BRD3: variants seen among roughly 807,000 people sequenced by gnomAD.
BRD3 encodes bromodomain-containing protein 3.
BRD3 carries 17 observed loss-of-function variants against 66.8 expected under a neutral mutation model. That is an observed-to-expected ratio of 0.25 (90% confidence interval 0.17 to 0.38). BRD3 has a LOEUF of 0.38. BRD3 is among the 10% of genes least tolerant of loss of function. BRD3 has a pLI of 1.00. For missense variants in BRD3, 713 were observed against 956.1 expected, an observed-to-expected ratio of 0.75 and a Z score of 3.35; for synonymous variants, 421 against 393.2, an observed-to-expected ratio of 1.07 and a Z score of -0.84.
chr9:134,044,976 G>C (rs551092133), intron 7 of BRD3, among the ~76,000 whole-genome samples: 6 of 152,314 alleles, frequency 3.9e-5, no homozygotes, highest in African/African-American at 1.4e-4. Context: ...CAGGGAAGCC[G>C]CAAGAGAAAG....
chr9:134,045,531 G>C lies in BRD3; in HGVS notation c.1087-110C>G. On this transcript the variant is annotated intron_variant, in intron 6 of 11. Transcript: ENST00000303407. This position sits in a 1 kb window ranked among gnomAD's most constrained non-coding sequence, Gnocchi z 4.8. ...CCTCAGGAGCCACTGCCAGCTCCAGGGCAGTGCCTACTGGCCTGGCCGGCA... is the reference window on the plus strand; with the variant it reads ...CCTCAGGAGCCACTGCCAGCTCCAGCGCAGTGCCTACTGGCCTGGCCGGCA... 1 of 1,510,536 alleles carries C rather than the reference G, an allele frequency of 6.6e-7. No individual in the cohort carries two copies. The highest frequency in any genetic ancestry group is 9.1e-7 in the Non-Finnish European group (1 of 1,104,554). 93.6% of individuals were successfully genotyped at this position (1,510,536 alleles called of 1,614,324 possible).
chr9:134,067,834 C>T (rs1830702841), intron 1 of BRD3, 111 bp downstream of exon 1: 2 of 144,018 alleles, frequency 1.4e-5, no homozygotes, highest in Admixed American at 1.4e-4. Flanking sequence ...CCCGGACGCG[C>T]CGGCGGACTG....
At chr9:134,053,029 C>T (rs372766832) in intron 2 of BRD3, among the ~76,000 whole-genome samples, 16 of 152,220 alleles carry the variant, frequency 1.1e-4, no homozygotes, top group Admixed American at 2.6e-4. Flanking sequence ...GCTTTCCTCC[C>T]GGACACGCGT....
chr9:134,048,523 C>T (rs969424236), intron 5 of BRD3, 69 bp from the exon 6 acceptor site: 12 of 1,584,740 alleles, frequency 7.6e-6, no homozygotes, highest in Admixed American at 1.7e-5. Context: ...GCTGCAGCCG[C>T]GTTTCTGGGG....
At chr9:134,062,408 C>A (rs1830563005) in intron 1 of BRD3, among the ~76,000 whole-genome samples, 1 of 152,158 alleles carries the variant, frequency 6.6e-6, no homozygotes, top group Admixed American at 6.5e-5. Flanking sequence ...GTCCCCTGCA[C>A]CCCACAGTTC....
At chr9:134,050,113 C>T (rs897041885) in intron 5 of BRD3, among the ~76,000 whole-genome samples, 2 of 152,224 alleles carry the variant, frequency 1.3e-5, no homozygotes, top group African/African-American at 4.8e-5. Flanking sequence ...AAGCCTTTGG[C>T]CAGGGCTTCT....
In BRD3 at chr9:134,048,337, G is replaced by A. The variant is rs778794672; in HGVS notation, c.832C>T (p.Arg278Trp). 9.4e-6 allele frequency: 15 copies of A among 1,599,064 alleles called. No homozygotes were observed. The highest frequency in any genetic ancestry group is 2.2e-5 in the East Asian group (1 of 44,864). The change falls in exon 6 of 12, where the codon CGG becomes TGG. Residue 278 changes from arginine to tryptophan, a missense_variant. By Grantham distance (101) the Arg-to-Trp change is moderately radical. Around this residue, in one of 5 missense-constraint regions of BRD3, gnomAD observed 418 missense variants for 609.3 expected, o/e 0.69. Transcript: ENST00000303407. ...SDPKQAKVVA[R>W]RESGGRPIKP... ...ATGGGGCGGCCACCACTCTCCCGCC[G>A]GGCCACCACTTTGGCCTGCTTGGGG...
chr9:134,051,880 GTTTTTTTTGTTTTTTT>G (rs1354155446), intron 3 of BRD3, among the ~76,000 whole-genome samples, 171 bp from the exon 4 acceptor site: 2 of 113,660 alleles, frequency 1.8e-5, no homozygotes, highest in Non-Finnish European at 1.8e-5. Context: ...TGTGTGTGTT[GTTTTTTTTGTTTTTTT>G]TTTTTTTTTT....
intron 9 of BRD3, 26 bp from the exon 10 acceptor site, chr9:134,036,350 G>T: frequency 6.3e-7 from 1 of 1,579,182 alleles, no homozygotes; most frequent in South Asian, 1.2e-5. Flanking sequence ...GAGCAACGTG[G>T]TGTTGAGTCT....
rs1378969776 is a variant in BRD3, at chr9:134,040,206, T to C, written c.1471A>G (p.Lys491Glu). Residue 491 changes from lysine to glutamate, a missense_variant, in exon 9 of 12, where the codon AAG (lysine) becomes GAG (glutamate). Physicochemically the swap from Lys to Glu is moderately conservative, Grantham distance 56. This residue lies in a region of BRD3 where 418 missense variants were observed against 609.3 expected (regional missense o/e 0.69). Coordinates refer to ENST00000303407, the MANE Select transcript of BRD3 (RefSeq NM_007371.4). ...TTCTCCTTCTCCTTCTTCTCCTTCTTCTTCTTTGGTTTGTTTACTGGGGCC... is the reference window on the plus strand; with the variant it reads ...TTCTCCTTCTCCTTCTTCTCCTTCTCCTTCTTTGGTTTGTTTACTGGGGCC... Reference protein sequence around the residue: ...SQAPVNKPKKKKEKKEKEKKK... With the variant: ...SQAPVNKPKKEKEKKEKEKKK... 1 of 1,582,750 alleles carries C rather than the reference T, an allele frequency of 6.3e-7. No individual in the cohort carries two copies. Among genetic ancestry groups the C allele is most frequent in the South Asian group, 1.1e-5 (1 of 86,990 alleles).
chr9:134,041,885 G>A lies in BRD3; in HGVS notation c.1282C>T (p.Pro428Ser). The change falls in exon 8 of 12, where the codon CCC becomes TCC. Residue 428 changes from proline to serine, a missense_variant. By Grantham distance (74) the Pro-to-Ser change is moderately conservative. Coordinates refer to ENST00000303407, the MANE Select transcript of BRD3 (RefSeq NM_007371.4). ...EPVEAPALPAPAAPMVSKGAE... is the reference protein window; with the variant it reads ...EPVEAPALPASAAPMVSKGAE... ...CCCTTGCTCACCATGGGGGCCGCGG[G>A]GGCAGGCAGCGCCGGTGCCTCCACG... is the stretch of plus-strand genomic sequence containing the variant. 1 of 1,611,440 alleles carries A rather than the reference G, an allele frequency of 6.2e-7. No individual in the cohort carries two copies.
Position 134,034,556 on chromosome 9 carries a change from C to T in BRD3, c.2065+145G>A, listed in dbSNP as rs1170127582. The stretch of plus-strand genomic sequence containing the variant: ...GTGACAGACCAGGAAATGGAGGTTT[C>T]AGGAGCTCAAGAGCTCGTCTAAGAA... On this transcript the variant is annotated intron_variant, in intron 11 of 11. Coordinates refer to ENST00000303407, the MANE Select transcript of BRD3 (RefSeq NM_007371.4). 4 of 1,174,144 alleles carry T rather than the reference C, an allele frequency of 3.4e-6. No homozygotes were observed. In the African/African-American group the frequency reaches 6.2e-5, roughly 18 times the overall value. The allele number at this position is 1,174,144 out of a possible 1,614,324, so 72.7% of individuals were successfully genotyped here.
chr9:134,059,017 G>C (rs573152934), intron 1 of BRD3, among the ~76,000 whole-genome samples: 2 of 152,246 alleles, frequency 1.3e-5, no homozygotes, highest in Non-Finnish European at 2.9e-5. Flanking sequence ...AACACTGACT[G>C]TATTTCCGGA....
chr9:134,042,325 G>A (rs989472737), intron 7 of BRD3, among the ~76,000 whole-genome samples: 1 of 152,104 alleles, frequency 6.6e-6, no homozygotes, highest in East Asian at 1.9e-4. Context: ...GCTTGGACAG[G>A]GTCCTCCACA....
At position 134,033,517 on chromosome 9, in the gene BRD3, A is replaced by G. The variant is rs1387087515; in HGVS notation, c.*73T>C. The G allele has an allele frequency of 6.0e-6, 4 of 667,866 alleles. No individual in the cohort carries two copies. The African/African-American group carries it at 7.1e-5, about 12-fold the overall frequency. 41.4% of individuals were successfully genotyped at this position (667,866 alleles called of 1,614,324 possible). On this transcript the variant is annotated 3_prime_UTR_variant, in exon 12 of 12. Coordinates refer to ENST00000303407, the MANE Select transcript of BRD3 (RefSeq NM_007371.4). This position sits in a 1 kb window ranked among gnomAD's most constrained non-coding sequence, Gnocchi z 5.1. Reference sequence around the variant, plus strand: ...CACACCATGGAACAGAAGTAGTAATATGAACCACAGAGGGGTACGGCAGAG... The same window carrying G: ...CACACCATGGAACAGAAGTAGTAATGTGAACCACAGAGGGGTACGGCAGAG...
In BRD3 at chr9:134,036,101, G is replaced by A. The variant is rs1256104225; in HGVS notation, c.1867C>T (p.Pro623Ser). The A allele has an allele frequency of 6.2e-7, 1 of 1,614,108 alleles. No homozygotes were observed. The highest frequency in any genetic ancestry group is 8.5e-7 in the Non-Finnish European group (1 of 1,180,040). ...EIEIDFETLKPTTLRELERYV... is the reference protein window; with the variant it reads ...EIEIDFETLKSTTLRELERYV... ...CTCTCCAGTTCCCGCAAAGTGGTGG[G>A]TTTCAGAGTCTCAAAGTCAATTTCT... is the stretch of plus-strand genomic sequence containing the variant. The change falls in exon 10 of 12, where the codon CCC (proline) becomes TCC (serine). Residue 623 changes from proline to serine, a missense_variant. By Grantham distance (74) the Pro-to-Ser change is moderately conservative (BLOSUM62 -1). Coordinates refer to ENST00000303407, the MANE Select transcript of BRD3 (RefSeq NM_007371.4).
Position 134,045,585 on chromosome 9 carries a change from C to G in BRD3, c.1087-164G>C, listed in dbSNP as rs1243365752. Among the ~76,000 whole-genome samples, 1 of 152,116 alleles carries G rather than the reference C, an allele frequency of 6.6e-6. No homozygotes were observed. Among genetic ancestry groups the G allele is most frequent in the Non-Finnish European group, 1.5e-5 (1 of 68,040 alleles). On this transcript the variant is annotated intron_variant, in intron 6 of 11. Coordinates refer to ENST00000303407, the MANE Select transcript of BRD3 (RefSeq NM_007371.4). The surrounding 1 kb of genome is among the most constrained non-coding windows in gnomAD (Gnocchi z 4.8). ...CACCCCAGCTCTCTGGGACCTCGTACGAGGAAACCCAAAGTGAGGACATGA... is the reference window on the plus strand; with the variant it reads ...CACCCCAGCTCTCTGGGACCTCGTAGGAGGAAACCCAAAGTGAGGACATGA...
At position 134,031,529 on chromosome 9, in the gene BRD3, T is replaced by C. The variant is rs1564544520; in HGVS notation, c.*2061A>G. ...GGGTAACTTTAAAAAATGGAAACTT[T>C]CAAATCCATTTATATTTTTATTATA... On this transcript the variant is annotated 3_prime_UTR_variant, in exon 12 of 12. Coordinates refer to ENST00000303407, the MANE Select transcript of BRD3 (RefSeq NM_007371.4). 1 of 201,810 alleles carries C rather than the reference T, an allele frequency of 5.0e-6. No individual in the cohort carries two copies. Among genetic ancestry groups the C allele is most frequent in the Non-Finnish European group, 1.0e-5 (1 of 98,348 alleles). The allele number at this position is 201,810 out of a possible 1,614,324, so 12.5% of individuals were successfully genotyped here.
Position 134,048,377 on chromosome 9 carries a change from GGGC to G in BRD3, c.789_791del (p.Pro266del), listed in dbSNP as rs1398391430. On this transcript the variant is annotated inframe_deletion, in exon 6 of 12. Coordinates refer to ENST00000303407, the MANE Select transcript of BRD3 (RefSeq NM_007371.4). ...CCTGCTTGGGGTCTGACAACGGCGGGGGCGACTCACTCCGGCTGGCAGTGATGG... is the reference window on the plus strand; with the variant it reads ...CCTGCTTGGGGTCTGACAACGGCGGGGACTCACTCCGGCTGGCAGTGATGG... 6.3e-7 allele frequency: 1 copy of G among 1,598,676 alleles called. No individual in the cohort carries two copies. The highest frequency in any genetic ancestry group is 8.5e-7 in the Non-Finnish European group (1 of 1,179,880).
Sources: allele counts gnomAD v4.1 joint callset (sites outside exome capture counted in the v4.1 genomes callset), GRCh38; gene constraint gnomAD v4.1.1; regional missense constraint gnomAD v4.1.1; non-coding constraint Gnocchi (gnomAD v3.1); transcripts MANE v1.5; gene names NCBI Gene and HGNC (gene_info 2026-07-23, HGNC 2026-07-21).